Variants in TBCK observed in about 807,000 individuals in gnomAD.
TBCK encodes TBC domain-containing protein kinase-like protein.
Under a neutral mutation model 113.4 loss-of-function variants are expected in TBCK, and 99 were observed. The observed-to-expected ratio is 0.87, with a 90% CI of 0.74 to 1.03. The LOEUF is 1.03. Among genes scored for constraint, TBCK ranks in the 50% least tolerant of loss-of-function variants. The probability of loss-of-function intolerance (pLI) is 0.00; values close to 1 mark genes in which losing one functional copy is unlikely to be tolerated. For missense variants in TBCK, 1,045 were observed against 1,061.3 expected (o/e 0.98, Z 0.21); for synonymous variants, 369 against 370.8 (o/e 1.00, Z 0.05).
intron 25 of TBCK, among the ~76,000 whole-genome samples, chr4:106,064,111 T>A (rs777158043): frequency 2.6e-5 from 4 of 151,852 alleles, no homozygotes; most frequent in Non-Finnish European, 5.9e-5. Context: ...TTCCAACCTA[T>A]CATCTACAGA....
Position 106,116,381 on chromosome 4 carries a change from G to GAA in TBCK, c.2236-5_2236-4dup. 3 of 1,424,436 alleles carry GAA rather than the reference G, an allele frequency of 2.1e-6. No homozygotes were observed. The highest frequency in any genetic ancestry group is 1.9e-6 in the Non-Finnish European group (2 of 1,062,382). 88.2% of individuals were successfully genotyped at this position (1,424,436 alleles called of 1,614,324 possible). On this transcript the variant is annotated splice_polypyrimidine_tract_variant and splice_region_variant and intron_variant, in intron 23 of 25. Coordinates refer to ENST00000394708, the MANE Select transcript of TBCK (RefSeq NM_001163435.3). ...TTTAATGGGATGGATTCTCTTGACT[G>GAA]AAAAAAAAAATGTACAAAAAAAAAT...
intron 22 of TBCK, among the ~76,000 whole-genome samples, chr4:106,191,156 A>C (rs940594522): frequency 6.6e-6 from 1 of 152,164 alleles, no homozygotes; most frequent in Non-Finnish European, 1.5e-5. Context: ...CTATTTACAT[A>C]GCATTTCCAT....
At chr4:106,065,625 T>C (rs912228572) in intron 25 of TBCK, among the ~76,000 whole-genome samples, 1 of 151,996 alleles carries the variant, frequency 6.6e-6, no homozygotes, top group Non-Finnish European at 1.5e-5. Flanking sequence ...AACAGTACCA[T>C]ACATTTCAGA....
chr4:106,077,935 G>A (rs574827442), intron 25 of TBCK, among the ~76,000 whole-genome samples: 3 of 152,240 alleles, frequency 2.0e-5, no homozygotes, highest in East Asian at 3.9e-4. Context: ...TAAAAAAATT[G>A]AAATCATACC....
chr4:106,241,787 A>G (rs1760172201), intron 12 of TBCK, among the ~76,000 whole-genome samples: 1 of 152,022 alleles, frequency 6.6e-6, no homozygotes, highest in African/African-American at 2.4e-5. Context: ...ATAAGGAAAT[A>G]TATAAAAACA....
chr4:106,211,135 T>C (rs1453643393), intron 20 of TBCK, among the ~76,000 whole-genome samples: 1 of 152,176 alleles, frequency 6.6e-6, no homozygotes, highest in Non-Finnish European at 1.5e-5. Flanking sequence ...GAGCACAATT[T>C]AATTAGGTGC....
intron 23 of TBCK, among the ~76,000 whole-genome samples, chr4:106,125,111 A>T (rs1745017727): frequency 6.6e-6 from 1 of 152,164 alleles, no homozygotes; most frequent in Non-Finnish European, 1.5e-5. Flanking sequence ...GGAGAATGCT[A>T]GTACACTGTT....
chr4:106,171,396 T>C lies in TBCK; in HGVS notation c.2060-126A>G, dbSNP rs1579116573. ...TAAGATGATAAGTTATTAGAAAAAA[T>C]GTCAGTAAAAAAAACAATGTATATA... On this transcript the variant is annotated intron_variant, in intron 22 of 25. Coordinates refer to ENST00000394708, the MANE Select transcript of TBCK (RefSeq NM_001163435.3). 1.4e-5 allele frequency: 9 copies of C among 665,280 alleles called. No individual in the cohort carries two copies. In the East Asian group the frequency reaches 2.5e-4, roughly 18 times the overall value. The allele number at this position is 665,280 out of a possible 1,614,324, so 41.2% of individuals were successfully genotyped here. A position where few individuals can be genotyped will look rare whatever the true frequency, so the allele number is the denominator to read the frequency against.
In TBCK at chr4:106,289,541, C is replaced by A. The variant is rs540442243; in HGVS notation, c.266+5553G>T. Among the ~76,000 whole-genome samples the A allele has an allele frequency of 3.7e-3, 560 of 152,010 alleles. 3 individuals carry two copies. Among genetic ancestry groups the A allele is most frequent in the Non-Finnish European group, 6.4e-3 (437 of 67,958 alleles). On this transcript the variant is annotated intron_variant, in intron 3 of 25. Transcript: ENST00000394708. The stretch of plus-strand genomic sequence containing the variant: ...ATCCCAGCACTTTGAGAGGCTGAGG[C>A]GGGCAGATCATGAGGTCAGGAGTTC...
chr4:106,091,025 C>A (rs759027259), intron 25 of TBCK, among the ~76,000 whole-genome samples: 1 of 152,200 alleles, frequency 6.6e-6, no homozygotes, highest in Non-Finnish European at 1.5e-5. Context: ...AACAGCAACA[C>A]CCCACTCCTG....
At chr4:106,282,340 T>C (rs1764687614) in intron 3 of TBCK, among the ~76,000 whole-genome samples, 1 of 152,028 alleles carries the variant, frequency 6.6e-6, no homozygotes, top group African/African-American at 2.4e-5. Context: ...TTTATCTTTT[T>C]TAACAAAACA....
At chr4:106,292,297 C>A (rs753778136) in intron 3 of TBCK, among the ~76,000 whole-genome samples, 36 of 152,120 alleles carry the variant, frequency 2.4e-4, no homozygotes, top group Non-Finnish European at 4.6e-4. Flanking sequence ...CTTGGCTGGG[C>A]GCGGTGGCTG....
intron 25 of TBCK, among the ~76,000 whole-genome samples, chr4:106,062,138 A>G (rs981819653): frequency 6.6e-6 from 1 of 151,914 alleles, no homozygotes; most frequent in African/African-American, 2.4e-5. Flanking sequence ...GAATATGGCA[A>G]TTAGGATCTT....
intron 19 of TBCK, among the ~76,000 whole-genome samples, chr4:106,219,518 T>G (rs766026196): frequency 1.4e-4 from 21 of 152,114 alleles, no homozygotes; most frequent in Non-Finnish European, 2.5e-4. Flanking sequence ...TTAGAATTCA[T>G]AGAGTTCAGT....
intron 23 of TBCK, among the ~76,000 whole-genome samples, chr4:106,151,854 T>C (rs1748532294): frequency 6.6e-6 from 1 of 152,006 alleles, no homozygotes; most frequent in South Asian, 2.1e-4. Context: ...CTATTGTAAG[T>C]GGGATTACTT....
At chr4:106,265,753 C>A (rs1019838276) in intron 3 of TBCK, among the ~76,000 whole-genome samples, 4 of 151,766 alleles carry the variant, frequency 2.6e-5, no homozygotes, top group Non-Finnish European at 2.9e-5. Flanking sequence ...ATGGTGAGTA[C>A]TCCCTCTCCA....
intron 23 of TBCK, among the ~76,000 whole-genome samples, chr4:106,165,129 T>G (rs1389918773): frequency 6.6e-6 from 1 of 151,696 alleles, no homozygotes; most frequent in Non-Finnish European, 1.5e-5. Context: ...AACAAAGAAA[T>G]AGATTTTAAA....
intron 25 of TBCK, among the ~76,000 whole-genome samples, chr4:106,054,442 C>T (rs1735164760): frequency 6.6e-6 from 1 of 151,600 alleles, no homozygotes; most frequent in Admixed American, 6.6e-5. Context: ...AATAAGAGCT[C>T]CACTAATCAC....
chr4:106,247,084 A>G (rs1760899612), intron 10 of TBCK, 55 bp downstream of exon 10: 1 of 1,548,288 alleles, frequency 6.5e-7, no homozygotes, highest in African/African-American at 1.4e-5. Context: ...TAGGACAAGG[A>G]AACTTCTTTA....
Sources: gnomAD v4.1 joint callset for allele counts (sites outside exome capture counted in the v4.1 genomes callset) on GRCh38, gnomAD v4.1.1 for gene constraint, MANE v1.5 for transcripts, NCBI Gene and HGNC (gene_info 2026-07-23, HGNC 2026-07-21) for gene names.